The following CRACDL variants were observed in gnomAD, a reference collection of about 807,000 sequenced individuals.
The protein encoded by CRACDL is CRACD like.
In CRACDL, 26 loss-of-function variants were observed where a neutral mutation model predicts 70.6. The ratio of observed to expected loss-of-function variants is 0.37; its 90% CI spans 0.27 to 0.51. CRACDL has a LOEUF of 0.51. Ranked by LOEUF, CRACDL falls within the 20% of genes least tolerant of loss-of-function variation. The probability of loss-of-function intolerance (pLI) is 0.94; values close to 1 mark genes in which losing one functional copy is unlikely to be tolerated. For missense variants in CRACDL, 1,283 were observed against 1,376.9 expected, an observed-to-expected ratio of 0.93 and a Z score of 1.08; for synonymous variants, 618 against 615.2, an observed-to-expected ratio of 1.00 and a Z score of -0.07.
At chr2:98,922,044 A>G (rs1448548293) in intron 1 of CRACDL, among the ~76,000 whole-genome samples, 1 of 152,236 alleles carries the variant, frequency 6.6e-6, no homozygotes, top group East Asian at 1.9e-4. Context: ...AAAACATTTT[A>G]TTTGACCTAA....
rs1448668636 is a variant in CRACDL at position 98,796,132 on chromosome 2, G to A, written c.2737C>T (p.His913Tyr). The part of the protein sequence containing the change: ...EGLQRGISLS[H>Y]QNLAQSAVMM... ...GCAGATTTCATACCCAAGTTCTGATGGGACAATGAGATTCCTCTTTGCAGC... is the reference window on the plus strand; with the variant it reads ...GCAGATTTCATACCCAAGTTCTGATAGGACAATGAGATTCCTCTTTGCAGC... Residue 913 changes from histidine to tyrosine, a missense_variant, in exon 9 of 10, where the codon CAT becomes TAT. This residue lies in a region of CRACDL where 921 missense variants were observed against 881.9 expected (regional missense o/e 1.04). Coordinates refer to ENST00000397899, the MANE Select transcript of CRACDL (RefSeq NM_207362.3). The A allele has an allele frequency of 6.2e-7, 1 of 1,614,016 alleles. No homozygotes were observed. Among genetic ancestry groups the A allele is most frequent in the Admixed American group, 1.7e-5 (1 of 60,020 alleles).
intron 1 of CRACDL, chr2:98,869,042 T>A: frequency 1.6e-6 from 2 of 1,278,756 alleles, no homozygotes; most frequent in Non-Finnish European, 2.1e-6. Flanking sequence ...CCCTCGCGAC[T>A]CTCCCCCACC....
chr2:98,848,704 C>T (rs562945955), intron 1 of CRACDL, among the ~76,000 whole-genome samples: 1 of 152,254 alleles, frequency 6.6e-6, no homozygotes, highest in Admixed American at 6.5e-5. Context: ...CCACCTCAGC[C>T]CCCCCACAAA....
rs143312054 is a variant in CRACDL, at chr2:98,917,874, G to A, written c.-11+18064C>T. ...CTCTCATTTATAAGTGAGAACATGG[G>A]GTATTTTGTCTTTCTAAGTTATTTC... On this transcript the variant is annotated intron_variant, in intron 1 of 9. Coordinates refer to ENST00000397899, the MANE Select transcript of CRACDL (RefSeq NM_207362.3). Among the ~76,000 whole-genome samples, 5 of 152,142 alleles carry A rather than the reference G, an allele frequency of 3.3e-5. No homozygotes were observed. The East Asian group carries it at 9.7e-4, about 29-fold the overall frequency.
At chr2:98,889,450 C>A (rs1707905206) in intron 1 of CRACDL, among the ~76,000 whole-genome samples, 1 of 151,928 alleles carries the variant, frequency 6.6e-6, no homozygotes, top group Non-Finnish European at 1.5e-5. Flanking sequence ...TGTATAATGA[C>A]AAAAGTACCA....
intron 1 of CRACDL, among the ~76,000 whole-genome samples, chr2:98,867,801 C>T (rs890029159): frequency 6.6e-6 from 1 of 152,204 alleles, no homozygotes; most frequent in Non-Finnish European, 1.5e-5. Context: ...CACAGTTTTG[C>T]AAGGGCTGGC....
intron 1 of CRACDL, among the ~76,000 whole-genome samples, chr2:98,880,118 G>A (rs143840977): frequency 9.5e-4 from 144 of 152,334 alleles, no homozygotes; most frequent in Non-Finnish European, 1.9e-3. Context: ...AGTGCAACGC[G>A]TACACTGTGT....
intron 1 of CRACDL, among the ~76,000 whole-genome samples, chr2:98,869,605 A>T (rs1190237497): frequency 6.6e-6 from 1 of 152,198 alleles, no homozygotes; most frequent in East Asian, 1.9e-4. Context: ...ATGCTGAGAA[A>T]ATCGGAAACA....
intron 1 of CRACDL, among the ~76,000 whole-genome samples, chr2:98,872,639 C>T (rs1444241840): frequency 2.0e-5 from 3 of 152,192 alleles, no homozygotes; most frequent in Non-Finnish European, 4.4e-5. Context: ...GTATCCCCGT[C>T]ATTTGAAGAG....
chr2:98,812,212 T>A (rs1327051248), intron 7 of CRACDL, among the ~76,000 whole-genome samples: 1 of 152,176 alleles, frequency 6.6e-6, no homozygotes, highest in Non-Finnish European at 1.5e-5. Flanking sequence ...TGGACTCAAG[T>A]GATCCACCCA....
chr2:98,863,696 G>A (rs1342435660), intron 1 of CRACDL, among the ~76,000 whole-genome samples: 2 of 152,178 alleles, frequency 1.3e-5, no homozygotes, highest in East Asian at 1.9e-4. Context: ...TTGCAATGCT[G>A]GGCAGTGGCA....
chr2:98,836,322 C>G (rs543689266), intron 3 of CRACDL, among the ~76,000 whole-genome samples: 2 of 152,298 alleles, frequency 1.3e-5, no homozygotes, highest in Admixed American at 1.3e-4. Flanking sequence ...GACTCTCCCA[C>G]AGGCCAAGCA....
intron 1 of CRACDL, among the ~76,000 whole-genome samples, chr2:98,870,416 T>C (rs1707298667): frequency 6.6e-6 from 1 of 152,198 alleles, no homozygotes; most frequent in African/African-American, 2.4e-5. Flanking sequence ...AAGCAGTGAG[T>C]TCAGAGGAGA....
Position 98,832,502 on chromosome 2 carries a change from T to C in CRACDL, c.386A>G (p.Gln129Arg), listed in dbSNP as rs1269514703. The C allele has an allele frequency of 6.3e-7, 1 of 1,596,568 alleles. No individual in the cohort carries two copies. Among genetic ancestry groups the C allele is most frequent in the Admixed American group, 1.8e-5 (1 of 56,470 alleles). Residue 129 changes from glutamine (Q) to arginine (R), a missense_variant, in exon 5 of 10, where the codon CAG becomes CGG. By Grantham distance (43) the Gln-to-Arg change is conservative. Around this residue, in one of 2 missense-constraint regions of CRACDL, gnomAD observed 362 missense variants for 495.0 expected, o/e 0.73. Transcript: ENST00000397899. ...TGGTGGCCCCATTTTCACATTACACTGTATTTTTAACTAGATTGGAATAAA... is the reference window on the plus strand; with the variant it reads ...TGGTGGCCCCATTTTCACATTACACCGTATTTTTAACTAGATTGGAATAAA... ...DRIKALQLKI[Q>R]CNVKMGPPPP...
intron 2 of CRACDL, among the ~76,000 whole-genome samples, chr2:98,845,927 G>A (rs2104534335): frequency 6.6e-6 from 1 of 152,308 alleles, no homozygotes; most frequent in East Asian, 1.9e-4. Flanking sequence ...AGTATTTGCT[G>A]AAATTAGTAT....
intron 1 of CRACDL, among the ~76,000 whole-genome samples, chr2:98,888,119 A>T (rs1707845862): frequency 1.3e-5 from 2 of 152,234 alleles, no homozygotes; most frequent in Admixed American, 1.3e-4. Context: ...TTCCAAGATA[A>T]ACAAAAACCA....
At chr2:98,898,533 A>G (rs928829864) in intron 1 of CRACDL, among the ~76,000 whole-genome samples, 8 of 152,246 alleles carry the variant, frequency 5.3e-5, no homozygotes, top group Admixed American at 2.0e-4. Context: ...GCTCGGGGCC[A>G]GGGCACATGC....
intron 1 of CRACDL, among the ~76,000 whole-genome samples, chr2:98,932,338 A>G (rs950297220): frequency 2.5e-4 from 38 of 152,162 alleles, no homozygotes; most frequent in African/African-American, 8.7e-4. Context: ...ACCTCCTCCA[A>G]GAAGCTTCCC....
chr2:98,910,942 G>T (rs1330080191), intron 1 of CRACDL, among the ~76,000 whole-genome samples: 1 of 152,210 alleles, frequency 6.6e-6, no homozygotes, highest in Non-Finnish European at 1.5e-5. Flanking sequence ...GGCTGTTCTG[G>T]GCTTAGCTTC....
Sources: gnomAD v4.1 joint callset for allele counts (sites outside exome capture counted in the v4.1 genomes callset) on GRCh38, gnomAD v4.1.1 for gene constraint, gnomAD v4.1.1 regional missense constraint, MANE v1.5 for transcripts, NCBI Gene and HGNC (gene_info 2026-07-23, HGNC 2026-07-21) for gene names.